The following INAFM1 variants were observed in gnomAD, a reference collection of about 807,000 sequenced individuals.
INAFM1 encodes the protein InaF motif containing 1, also known as putative transmembrane protein INAFM1.
Under a neutral mutation model 9.4 loss-of-function variants are expected in INAFM1, and 11 were observed. That is an observed-to-expected ratio of 1.17 (90% CI 0.74 to 1.94). The LOEUF (loss-of-function observed/expected upper bound fraction) is 1.94. INAFM1 is among the 30% of genes most tolerant of loss of function. The pLI is 0.00. For synonymous variants in INAFM1, 161 were observed against 109.5 expected, an observed-to-expected ratio of 1.47 and a Z score of -2.94; for missense variants, 318 against 221.6, an observed-to-expected ratio of 1.44 and a Z score of -2.76.
rs1029374028 is a variant in INAFM1, at chr19:47,275,596, C to T, written c.*248C>T. ...CCCATCCTGAGCTCTGTCTCCTGCC[C>T]CTCCTGCTGTGGGATGCTGAGCACA... is the stretch of plus-strand genomic sequence containing the variant. On this transcript the variant is annotated 3_prime_UTR_variant, in exon 1 of 1. Coordinates refer to ENST00000552360, the MANE Select transcript of INAFM1 (RefSeq NM_178511.6). The T allele has an allele frequency of 7.3e-6, 4 of 551,168 alleles. No individual in the cohort carries two copies. The highest frequency in any genetic ancestry group is 4.1e-5 in the African/African-American group (2 of 49,350). The allele number at this position is 551,168 out of a possible 1,614,324, so 34.1% of individuals were successfully genotyped here.
chr19:47,275,686 C>T lies in INAFM1; in HGVS notation c.*338C>T, dbSNP rs987531312. 1.1e-5 allele frequency: 4 copies of T among 355,882 alleles called. No individual in the cohort carries two copies. Among genetic ancestry groups the T allele is most frequent in the East Asian group, 1.1e-4 (2 of 17,924 alleles). The allele number at this position is 355,882 out of a possible 1,614,324, so 22.0% of individuals were successfully genotyped here. A position where few individuals can be genotyped will look rare whatever the true frequency, so the allele number is the denominator to read the frequency against. ...GTGTCCATCTGCAATAAACGACAGC[C>T]TCGGCTGCCTCGTGCTGTGTCTGTC... On this transcript the variant is annotated 3_prime_UTR_variant, in exon 1 of 1. Transcript: ENST00000552360.
chr19:47,274,801 G>A, upstream of INAFM1: 1 of 699,808 alleles, frequency 1.4e-6, no homozygotes, highest in Non-Finnish European at 1.9e-6. Context: ...GACCATGCTG[G>A]CGGGGGCGGG....
rs957247275 is a variant in INAFM1, at chr19:47,275,659, C to G, written c.*311C>G. On this transcript the variant is annotated 3_prime_UTR_variant, in exon 1 of 1. Transcript: ENST00000552360. ...CATCTGCCTCTTCACCTCCCTGAAT[C>G]CGTGTCCATCTGCAATAAACGACAG... is the stretch of plus-strand genomic sequence containing the variant. 10 of 428,112 alleles carry G rather than the reference C, an allele frequency of 2.3e-5. No individual in the cohort carries two copies. The highest frequency in any genetic ancestry group is 4.4e-5 in the Admixed American group (1 of 22,732). The allele number at this position is 428,112 out of a possible 1,614,324, so 26.5% of individuals were successfully genotyped here.
chr19:47,275,438 T>C lies in INAFM1; in HGVS notation c.*90T>C. The stretch of plus-strand genomic sequence containing the variant: ...CACCGTCTCTGGATTGGTCCGGCCT[T>C]CTTCCTAATGACATCGCTCAGCGTC... On this transcript the variant is annotated 3_prime_UTR_variant, in exon 1 of 1. Transcript: ENST00000552360. The C allele has an allele frequency of 7.0e-7, 1 of 1,437,560 alleles. No homozygotes were observed. Among genetic ancestry groups the C allele is most frequent in the Non-Finnish European group, 9.2e-7 (1 of 1,087,902 alleles). The allele number at this position is 1,437,560 out of a possible 1,614,324, so 89.1% of individuals were successfully genotyped here.
Position 47,275,495 on chromosome 19 carries a change from CA to C in INAFM1, c.*148del, listed in dbSNP as rs967338279. ...GCCGTCATCCCGCGGAATGGGGGCC[CA>C]GGGGGTGTCAGCTCGGGGCCTTGCC... On this transcript the variant is annotated 3_prime_UTR_variant, in exon 1 of 1. Transcript: ENST00000552360. 11 of 1,157,182 alleles carry C rather than the reference CA, an allele frequency of 9.5e-6. No homozygotes were observed. The highest frequency in any genetic ancestry group is 1.7e-5 in the South Asian group (1 of 59,732). The allele number at this position is 1,157,182 out of a possible 1,614,324, so 71.7% of individuals were successfully genotyped here. A position where few individuals can be genotyped will look rare whatever the true frequency, so the allele number is the denominator to read the frequency against.
In INAFM1 at chr19:47,274,898, C is replaced by G. The variant is rs1177384332; in HGVS notation, c.-22C>G. The G allele has an allele frequency of 1.6e-6, 2 of 1,254,904 alleles. No individual in the cohort carries two copies. Among genetic ancestry groups the G allele is most frequent in the African/African-American group, 1.7e-5 (1 of 57,198 alleles). The allele number at this position is 1,254,904 out of a possible 1,614,324, so 77.7% of individuals were successfully genotyped here. A position where few individuals can be genotyped will look rare whatever the true frequency, so the allele number is the denominator to read the frequency against. On this transcript the variant is annotated 5_prime_UTR_variant, in exon 1 of 1. Transcript: ENST00000552360. ...GGCGGGGCCTGTGCGGTCTGCGGCGCGGAGCCGAGTGGGCTGCGGGGATGC... is the reference window on the plus strand; with the variant it reads ...GGCGGGGCCTGTGCGGTCTGCGGCGGGGAGCCGAGTGGGCTGCGGGGATGC...
rs753396342 is a variant in INAFM1, at chr19:47,275,443, C to T, written c.*95C>T. On this transcript the variant is annotated 3_prime_UTR_variant, in exon 1 of 1. Coordinates refer to ENST00000552360, the MANE Select transcript of INAFM1 (RefSeq NM_178511.6). The stretch of plus-strand genomic sequence containing the variant: ...TCTCTGGATTGGTCCGGCCTTCTTC[C>T]TAATGACATCGCTCAGCGTCTCTGG... 2.3e-5 allele frequency: 32 copies of T among 1,416,500 alleles called. No individual in the cohort carries two copies. Among genetic ancestry groups the T allele is most frequent in the African/African-American group, 4.5e-5 (3 of 66,080 alleles). 87.7% of individuals were successfully genotyped at this position (1,416,500 alleles called of 1,614,324 possible).
chr19:47,275,444 T>C lies in INAFM1; in HGVS notation c.*96T>C. 1 of 1,414,396 alleles carries C rather than the reference T, an allele frequency of 7.1e-7. No homozygotes were observed. Among genetic ancestry groups the C allele is most frequent in the Non-Finnish European group, 9.3e-7 (1 of 1,072,452 alleles). 87.6% of individuals were successfully genotyped at this position (1,414,396 alleles called of 1,614,324 possible). Reference sequence around the variant, plus strand: ...CTCTGGATTGGTCCGGCCTTCTTCCTAATGACATCGCTCAGCGTCTCTGGA... The same window carrying C: ...CTCTGGATTGGTCCGGCCTTCTTCCCAATGACATCGCTCAGCGTCTCTGGA... On this transcript the variant is annotated 3_prime_UTR_variant, in exon 1 of 1. Coordinates refer to ENST00000552360, the MANE Select transcript of INAFM1 (RefSeq NM_178511.6).
chr19:47,274,571 C>T (rs1176803279), upstream of INAFM1: 2 of 180,326 alleles, frequency 1.1e-5, no homozygotes, highest in Non-Finnish European at 1.1e-5. Flanking sequence ...GACGAGGGGG[C>T]GGGCTCCGAG....
Position 47,275,136 on chromosome 19 carries a change from TCCCCTCC to T in INAFM1, c.218_224del (p.Ser73CysfsTer37). 6.7e-7 allele frequency: 1 copy of T among 1,490,434 alleles called. No individual in the cohort carries two copies. The highest frequency in any genetic ancestry group is 8.9e-7 in the Non-Finnish European group (1 of 1,124,458). 92.3% of individuals were successfully genotyped at this position (1,490,434 alleles called of 1,614,324 possible). On this transcript the variant is annotated frameshift_variant, in exon 1 of 1. Coordinates refer to ENST00000552360, the MANE Select transcript of INAFM1 (RefSeq NM_178511.6). LOFTEE classifies it high-confidence loss of function. ...CGCCGGCCCACAGCCCAGCGCGCCG[TCCCCTCC>T]GTGTGCTGCCCGCCCGGGCGTGCCG...
Position 47,275,111 on chromosome 19 carries a change from C to T in INAFM1, c.192C>T (p.Pro64=), listed in dbSNP as rs747167523. Residue 64 remains proline (P), a synonymous_variant, in exon 1 of 1, where the codon CCC becomes CCT. Coordinates refer to ENST00000552360, the MANE Select transcript of INAFM1 (RefSeq NM_178511.6). The part of the protein sequence containing the change: ...IWVPTRSPAA[P]AGPQPSAPSP... The stretch of plus-strand genomic sequence containing the variant: ...TACCCACGCGGTCTCCCGCGGCACC[C>T]GCCGGCCCACAGCCCAGCGCGCCGT... The T allele has an allele frequency of 2.0e-6, 3 of 1,493,300 alleles. No homozygotes were observed. Among genetic ancestry groups the T allele is most frequent in the African/African-American group, 1.5e-5 (1 of 68,438 alleles). 92.5% of individuals were successfully genotyped at this position (1,493,300 alleles called of 1,614,324 possible).
At position 47,275,460 on chromosome 19, in the gene INAFM1, C is replaced by G; in HGVS notation, c.*112C>G. The G allele has an allele frequency of 7.3e-7, 1 of 1,375,174 alleles. No individual in the cohort carries two copies. Among genetic ancestry groups the G allele is most frequent in the Non-Finnish European group, 9.6e-7 (1 of 1,044,612 alleles). The allele number at this position is 1,375,174 out of a possible 1,614,324, so 85.2% of individuals were successfully genotyped here. A position where few individuals can be genotyped will look rare whatever the true frequency, so the allele number is the denominator to read the frequency against. ...CCTTCTTCCTAATGACATCGCTCAG[C>G]GTCTCTGGAGCCGTCATCCCGCGGA... On this transcript the variant is annotated 3_prime_UTR_variant, in exon 1 of 1. Coordinates refer to ENST00000552360, the MANE Select transcript of INAFM1 (RefSeq NM_178511.6).
upstream of INAFM1, chr19:47,274,668 G>A (rs376623607): frequency 8.2e-6 from 2 of 245,300 alleles, no homozygotes; most frequent in Non-Finnish European, 1.4e-5. Context: ...GGGGTGGTGG[G>A]GCTAAGCGCG....
chr19:47,274,929 A>T lies in INAFM1; in HGVS notation c.10A>T (p.Thr4Ser). 7.6e-7 allele frequency: 1 copy of T among 1,323,552 alleles called. No homozygotes were observed. Among genetic ancestry groups the T allele is most frequent in the Non-Finnish European group, 9.5e-7 (1 of 1,050,260 alleles). 82.0% of individuals were successfully genotyped at this position (1,323,552 alleles called of 1,614,324 possible). Reference protein sequence around the residue: MRGTSCVGGGAESP... With the variant: MRGSSCVGGGAESP... ...CGAGTGGGCTGCGGGGATGCGGGGGACCAGCTGCGTGGGCGGCGGCGCCGA... is the reference window on the plus strand; with the variant it reads ...CGAGTGGGCTGCGGGGATGCGGGGGTCCAGCTGCGTGGGCGGCGGCGCCGA... Residue 4 changes from threonine to serine, a missense_variant, in exon 1 of 1, where the codon ACC (threonine) becomes TCC (serine). Thr to Ser is a moderately conservative substitution (Grantham distance 58). Coordinates refer to ENST00000552360, the MANE Select transcript of INAFM1 (RefSeq NM_178511.6).
Position 47,275,355 on chromosome 19 carries a change from C to T in INAFM1, c.*7C>T, listed in dbSNP as rs536561123. On this transcript the variant is annotated 3_prime_UTR_variant, in exon 1 of 1. Coordinates refer to ENST00000552360, the MANE Select transcript of INAFM1 (RefSeq NM_178511.6). Reference sequence around the variant, plus strand: ...GGGGCGAAGACCCGGGTAACTCTCCCTTCCACCCCAACCCGGATCGCCAGC... The same window carrying T: ...GGGGCGAAGACCCGGGTAACTCTCCTTTCCACCCCAACCCGGATCGCCAGC... 5 of 1,536,808 alleles carry T rather than the reference C, an allele frequency of 3.3e-6. No individual in the cohort carries two copies. Among genetic ancestry groups the T allele is most frequent in the African/African-American group, 2.8e-5 (2 of 70,956 alleles).
At position 47,275,176 on chromosome 19, in the gene INAFM1, C is replaced by T. The variant is rs760562614; in HGVS notation, c.257C>T (p.Pro86Leu). 31 of 1,464,784 alleles carry T rather than the reference C, an allele frequency of 2.1e-5. No individual in the cohort carries two copies. In the South Asian group the frequency reaches 3.7e-4, roughly 18 times the overall value. 90.7% of individuals were successfully genotyped at this position (1,464,784 alleles called of 1,614,324 possible). A position where few individuals can be genotyped will look rare whatever the true frequency, so the allele number is the denominator to read the frequency against. ...GCCCGCCCGGGCGTGCCGCCTGTCCCGGCGCCCGCCGCTGCCTCCCTCTCC... is the reference window on the plus strand; with the variant it reads ...GCCCGCCCGGGCGTGCCGCCTGTCCTGGCGCCCGCCGCTGCCTCCCTCTCC... Reference protein sequence around the residue: ...CAARPGVPPVPAPAAASLSCL... With the variant: ...CAARPGVPPVLAPAAASLSCL... Residue 86 changes from proline to leucine, a missense_variant, in exon 1 of 1, where the codon CCG (proline) becomes CTG (leucine). Coordinates refer to ENST00000552360, the MANE Select transcript of INAFM1 (RefSeq NM_178511.6).
rs775831471 is a variant in INAFM1, at chr19:47,275,348, ACT to A, written c.*4_*5del. The A allele has an allele frequency of 3.9e-6, 6 of 1,538,320 alleles. No homozygotes were observed. The highest frequency in any genetic ancestry group is 5.3e-6 in the Non-Finnish European group (6 of 1,141,368). On this transcript the variant is annotated 3_prime_UTR_variant, in exon 1 of 1. Coordinates refer to ENST00000552360, the MANE Select transcript of INAFM1 (RefSeq NM_178511.6). ...CCGCGGAGGGGCGAAGACCCGGGTAACTCTCCCTTCCACCCCAACCCGGATCG... is the reference window on the plus strand; with the variant it reads ...CCGCGGAGGGGCGAAGACCCGGGTAACTCCCTTCCACCCCAACCCGGATCG...
rs761642150 is a variant in INAFM1, at chr19:47,275,382, C to T, written c.*34C>T. 5 of 1,526,790 alleles carry T rather than the reference C, an allele frequency of 3.3e-6. No individual in the cohort carries two copies. The highest frequency in any genetic ancestry group is 4.1e-5 in the Admixed American group (2 of 48,964). The allele number at this position is 1,526,790 out of a possible 1,614,324, so 94.6% of individuals were successfully genotyped here. ...TCCACCCCAACCCGGATCGCCAGCCCTCGAGAGCTCTGTGCTCCACGCCGA... is the reference window on the plus strand; with the variant it reads ...TCCACCCCAACCCGGATCGCCAGCCTTCGAGAGCTCTGTGCTCCACGCCGA... On this transcript the variant is annotated 3_prime_UTR_variant, in exon 1 of 1. Coordinates refer to ENST00000552360, the MANE Select transcript of INAFM1 (RefSeq NM_178511.6).
rs1409944784 is a variant in INAFM1 at position 47,274,989 on chromosome 19, C to T, written c.70C>T (p.Arg24Trp). 2.0e-5 allele frequency: 29 copies of T among 1,467,382 alleles called. No individual in the cohort carries two copies. Among genetic ancestry groups the T allele is most frequent in the Non-Finnish European group, 2.3e-5 (26 of 1,113,830 alleles). The allele number at this position is 1,467,382 out of a possible 1,614,324, so 90.9% of individuals were successfully genotyped here. The change falls in exon 1 of 1, where the codon CGG becomes TGG. Residue 24 changes from arginine to tryptophan, a missense_variant. Coordinates refer to ENST00000552360, the MANE Select transcript of INAFM1 (RefSeq NM_178511.6). Reference protein sequence around the residue: ...PGGAGLSEGPRGRWLRLAPVC... With the variant: ...PGGAGLSEGPWGRWLRLAPVC... ...AGGCGCGGGGCTGAGCGAGGGCCCG[C>T]GGGGGCGCTGGCTGCGCTTGGCTCC...
Sources: gnomAD v4.1 joint callset for allele counts on GRCh38, gnomAD v4.1.1 for gene constraint, MANE v1.5 for transcripts, NCBI Gene and HGNC (gene_info 2026-07-23, HGNC 2026-07-21) for gene names.